USP36: variants seen among roughly 807,000 people sequenced by gnomAD.
USP36 encodes ubiquitin carboxyl-terminal hydrolase 36.
In USP36, 59 loss-of-function variants were observed where a neutral mutation model predicts 111.5. The observed-to-expected ratio is 0.53, with a 90% CI of 0.43 to 0.66. USP36 has a LOEUF of 0.66. USP36 is among the 30% of genes least tolerant of loss of function. USP36 has a pLI of 0.00. For missense variants in USP36, 1,488 were observed against 1,468.0 expected (o/e 1.01, Z -0.22); for synonymous variants, 628 against 581.0 (o/e 1.08, Z -1.16).
At chr17:78,789,057 C>T (rs969062818) in intron 3 of USP36, among the ~76,000 whole-genome samples, 3 of 151,536 alleles carry the variant, frequency 2.0e-5, no homozygotes, top group African/African-American at 4.9e-5. Flanking sequence ...ATTAGCCGGG[C>T]GTGATGGCAT....
rs1400975562 is a variant in USP36, at chr17:78,802,546, G to A, written c.2811-11C>T. The A allele has an allele frequency of 6.2e-7, 1 of 1,600,158 alleles. No individual in the cohort carries two copies. The highest frequency in any genetic ancestry group is 8.5e-7 in the Non-Finnish European group (1 of 1,178,556). ...CCCATGGGAGAGCAGCTGCTTGGAA[G>A]TGAGAGGCAGCAGTCAGCTCTGAGC... On this transcript the variant is annotated splice_polypyrimidine_tract_variant and intron_variant, in intron 16 of 20. Coordinates refer to ENST00000449938, the MANE Select transcript of USP36 (RefSeq NM_001385174.1).
In USP36 at chr17:78,807,070, T is replaced by G; in HGVS notation, c.1974A>C (p.Ala658=). 1.2e-6 allele frequency: 2 copies of G among 1,614,240 alleles called. No homozygotes were observed. Among genetic ancestry groups the G allele is most frequent in the Non-Finnish European group, 1.7e-6 (2 of 1,180,038 alleles). ...ACTTCAGCTTCACCGTCTTAGAATC[T>G]GCTCCACTTGGCGGCGTTTTGGAGT... ...AGHSKTPPSG[A]DSKTVKLKSP... Residue 658 remains alanine, a synonymous_variant, in exon 14 of 21, where the codon GCA becomes GCC. Transcript: ENST00000449938.
downstream of USP36, among the ~76,000 whole-genome samples, chr17:78,794,651 C>T (rs564485003): frequency 6.6e-6 from 1 of 152,280 alleles, no homozygotes; most frequent in African/African-American, 2.4e-5. Context: ...CTGTCAGGCG[C>T]GGTGGCTCAC....
In USP36 at chr17:78,820,128, C is replaced by T. The variant is rs150152331; in HGVS notation, c.829-116G>A. ...GGCAGCAAATCACAGAACTTAGACT[C>T]GCATAAAAATTTGCCCACTAGCTGC... On this transcript the variant is annotated intron_variant, in intron 8 of 20. Transcript: ENST00000449938. 566 of 1,092,630 alleles carry T rather than the reference C, an allele frequency of 5.2e-4. 1 individual carries two copies. The African/African-American group carries it at 7.7e-3, about 15-fold the overall frequency. The allele number at this position is 1,092,630 out of a possible 1,614,324, so 67.7% of individuals were successfully genotyped here. A position where few individuals can be genotyped will look rare whatever the true frequency, so the allele number is the denominator to read the frequency against.
At chr17:78,831,300 T>G (rs951409698) in intron 4 of USP36, among the ~76,000 whole-genome samples, 2 of 147,012 alleles carry the variant, frequency 1.4e-5, no homozygotes, top group Non-Finnish European at 3.0e-5. Flanking sequence ...AAAACCTAAC[T>G]TCAGGTAAGA....
chr17:78,795,456 C>T (rs777730943), downstream of USP36, among the ~76,000 whole-genome samples: 2 of 152,196 alleles, frequency 1.3e-5, no homozygotes, highest in African/African-American at 4.8e-5. This position sits in a 1 kb window ranked among gnomAD's most constrained non-coding sequence, Gnocchi z 4.5. Context: ...GCCTGCGCCC[C>T]GGGGTTCATT....
rs1007506622 is a variant in USP36, at chr17:78,796,763, C to T, written c.*1137G>A. On this transcript the variant is annotated 3_prime_UTR_variant, in exon 21 of 21. Coordinates refer to ENST00000449938, the MANE Select transcript of USP36 (RefSeq NM_001385174.1). ...AGTCCAACACCACGTTGTCCATCTCCACCTGCGACGACTCCGGGAGGAAAT... is the reference window on the plus strand; with the variant it reads ...AGTCCAACACCACGTTGTCCATCTCTACCTGCGACGACTCCGGGAGGAAAT... 4 of 152,442 alleles carry T rather than the reference C, an allele frequency of 2.6e-5. No homozygotes were observed. The East Asian group carries it at 7.7e-4, about 29-fold the overall frequency. The allele number at this position is 152,442 out of a possible 1,614,324, so 9.4% of individuals were successfully genotyped here.
Position 78,802,382 on chromosome 17 carries a change from G to C in USP36, c.2964C>G (p.Val988=). 1.2e-6 allele frequency: 2 copies of C among 1,608,098 alleles called. No individual in the cohort carries two copies. Among genetic ancestry groups the C allele is most frequent in the Non-Finnish European group, 1.7e-6 (2 of 1,177,486 alleles). ...PRSAKPQDAV[V]PESSSCAPSA... ...ATGGTGCGCAGCTGCTGGACTCGGG[G>C]ACAACAGCATCTTGGGGCTTGGCAC... The change falls in exon 17 of 21, where the codon GTC becomes GTG. Residue 988 remains valine (V), a synonymous_variant. Coordinates refer to ENST00000449938, the MANE Select transcript of USP36 (RefSeq NM_001385174.1).
downstream of USP36, among the ~76,000 whole-genome samples, chr17:78,795,451 C>A (rs1032760512): frequency 6.6e-6 from 1 of 152,180 alleles, no homozygotes; most frequent in African/African-American, 2.4e-5. The surrounding 1 kb of genome is among the most constrained non-coding windows in gnomAD (Gnocchi z 4.5). Context: ...AACCCGCCTG[C>A]GCCCCGGGGT....
At chr17:78,793,652 C>T (rs551246987), downstream of USP36, among the ~76,000 whole-genome samples, 3 of 152,262 alleles carry the variant, frequency 2.0e-5, no homozygotes, top group South Asian at 2.1e-4. Context: ...ACGTCCTTGG[C>T]GTACCCACAT....
Position 78,807,115 on chromosome 17 carries a change from C to G in USP36, c.1929G>C (p.Thr643=), listed in dbSNP as rs3744796. The part of the protein sequence containing the change: ...GAAHLCDSQE[T]NCSTAGHSKT... ...TGGAGTGGCCAGCGGTGGAACAGTT[C>G]GTTTCCTGAGAATCGCAGAGATGGG... The change falls in exon 14 of 21, where the codon ACG becomes ACC. Residue 643 remains threonine, a synonymous_variant. Transcript: ENST00000449938. 16 of 1,614,048 alleles carry G rather than the reference C, an allele frequency of 9.9e-6. No individual in the cohort carries two copies. Among genetic ancestry groups the G allele is most frequent in the Non-Finnish European group, 1.4e-5 (16 of 1,180,036 alleles).
chr17:78,804,160 A>G (rs1368778930), intron 15 of USP36, among the ~76,000 whole-genome samples, 182 bp from the exon 16 acceptor site: 1 of 152,174 alleles, frequency 6.6e-6, no homozygotes, highest in Non-Finnish European at 1.5e-5. Context: ...TTAATTCAAC[A>G]TCTATTTAAA....
intron 13 of USP36, among the ~76,000 whole-genome samples, chr17:78,812,415 C>T (rs1033709509): frequency 2.0e-5 from 3 of 151,994 alleles, no homozygotes; most frequent in Admixed American, 6.6e-5. Context: ...ATTGGCCGGG[C>T]GCGGTGGCTC....
Position 78,803,468 on chromosome 17 carries a change from G to T in USP36, c.2727C>A (p.His909Gln), listed in dbSNP as rs537842306. The change falls in exon 16 of 21, where the codon CAC (histidine) becomes CAA (glutamine). Residue 909 changes from histidine (H) to glutamine (Q), a missense_variant. By Grantham distance (24) the His-to-Gln change is conservative. Coordinates refer to ENST00000449938, the MANE Select transcript of USP36 (RefSeq NM_001385174.1). The surrounding 1 kb of genome is among the most constrained non-coding windows in gnomAD (Gnocchi z 4.6). ...TCCTCCTCCGCTTCCTGCTGCTCGCGTGGTGGCCGTCCGTAACACATCCCA... is the reference window on the plus strand; with the variant it reads ...TCCTCCTCCGCTTCCTGCTGCTCGCTTGGTGGCCGTCCGTAACACATCCCA... Reference protein sequence around the residue: ...QQVGCVTDGHHASSRKRRRKG... With the variant: ...QQVGCVTDGHQASSRKRRRKG... 1 of 1,613,994 alleles carries T rather than the reference G, an allele frequency of 6.2e-7. No individual in the cohort carries two copies. The highest frequency in any genetic ancestry group is 1.7e-5 in the Admixed American group (1 of 59,992).
At chr17:78,814,358 C>A in intron 11 of USP36, 54 bp downstream of exon 11, 1 of 1,604,776 alleles carries the variant, frequency 6.2e-7, no homozygotes, top group Non-Finnish European at 8.5e-7. Context: ...TCTGGATGTG[C>A]ATGGGTGCTG....
intron 10 of USP36, among the ~76,000 whole-genome samples, chr17:78,815,848 C>T (rs1438331898): frequency 1.5e-5 from 2 of 135,406 alleles, no homozygotes; most frequent in Admixed American, 6.9e-5. Flanking sequence ...TACACACACA[C>T]ATATGCATGC....
chr17:78,812,703 A>AT (rs2094093772), intron 13 of USP36, among the ~76,000 whole-genome samples, 157 bp downstream of exon 13: 1 of 146,792 alleles, frequency 6.8e-6, no homozygotes, highest in African/African-American at 2.7e-5. Context: ...TCTCGAAAAA[A>AT]AAAAAAAAAA....
intron 6 of USP36, among the ~76,000 whole-genome samples, chr17:78,823,376 C>T (rs537809230): frequency 1.3e-5 from 2 of 152,170 alleles, no homozygotes; most frequent in Non-Finnish European, 2.9e-5. Context: ...CAGAAGCCCG[C>T]AAGCACCAGC....
chr17:78,801,649 T>C (rs2093746242), intron 17 of USP36, among the ~76,000 whole-genome samples: 3 of 151,936 alleles, frequency 2.0e-5, no homozygotes, highest in Admixed American at 6.6e-5. Flanking sequence ...AGCACACAGG[T>C]CCCCAACAGC....
Sources: allele counts gnomAD v4.1 joint callset (sites outside exome capture counted in the v4.1 genomes callset), GRCh38; gene constraint gnomAD v4.1.1; non-coding constraint Gnocchi (gnomAD v3.1); transcripts MANE v1.5; gene names NCBI Gene and HGNC (gene_info 2026-07-23, HGNC 2026-07-21).